The following PRELID2 variants were observed in gnomAD, a reference collection of about 807,000 sequenced individuals.
PRELID2 encodes the protein PRELI domain containing 2, also known as PRELI domain-containing protein 2.
PRELID2 carries 25 observed loss-of-function variants against 28.4 expected under a neutral mutation model. That is an observed-to-expected ratio of 0.88 (90% CI 0.64 to 1.23). PRELID2 has a LOEUF of 1.23. Ranked by LOEUF, PRELID2 falls within the 50% of genes most tolerant of loss-of-function variation. PRELID2 has a pLI of 0.00. For missense variants in PRELID2, 201 were observed against 214.4 expected, an observed-to-expected ratio of 0.94 and a Z score of 0.39; for synonymous variants, 76 against 71.6, an observed-to-expected ratio of 1.06 and a Z score of -0.31.
the PRELID2 span, among the ~76,000 whole-genome samples, chr5:145,375,849 G>A: frequency 6.6e-6 from 1 of 152,232 alleles, no homozygotes; most frequent in Non-Finnish European, 1.5e-5. Flanking sequence ...AGCACAGCCT[G>A]GAGCTATAGA....
chr5:145,509,953 C>T (rs1052038228), intron 1 of PRELID2, among the ~76,000 whole-genome samples: 1 of 152,108 alleles, frequency 6.6e-6, no homozygotes, highest in Admixed American at 6.6e-5. Context: ...TGCACCTGCT[C>T]TCGTTGTTAA....
At chr5:145,508,736 C>A (rs940747391) in intron 1 of PRELID2, among the ~76,000 whole-genome samples, 2 of 152,080 alleles carry the variant, frequency 1.3e-5, no homozygotes, top group Admixed American at 6.6e-5. Context: ...TTGTTTACAT[C>A]TCAAGAGTTC....
the PRELID2 span, among the ~76,000 whole-genome samples, chr5:145,406,122 C>T: frequency 6.6e-6 from 1 of 152,086 alleles, no homozygotes; most frequent in Non-Finnish European, 1.5e-5. Context: ...GATCTAATCA[C>T]CTCCCACCAG....
the PRELID2 span, among the ~76,000 whole-genome samples, chr5:145,365,519 T>C: frequency 6.6e-6 from 1 of 151,886 alleles, no homozygotes; most frequent in Non-Finnish European, 1.5e-5. Context: ...AAAAGAAATT[T>C]CTGAAGGGAA....
At chr5:145,501,943 C>T (rs532544870) in intron 1 of PRELID2, among the ~76,000 whole-genome samples, 5 of 152,288 alleles carry the variant, frequency 3.3e-5, no homozygotes, top group African/African-American at 9.6e-5. Flanking sequence ...GATTCTGCGT[C>T]TGTATTAATC....
intron 1 of PRELID2, among the ~76,000 whole-genome samples, chr5:145,629,464 A>G (rs1172463322): frequency 6.6e-6 from 1 of 152,222 alleles, no homozygotes; most frequent in Non-Finnish European, 1.5e-5. Context: ...TGAGAGGAGC[A>G]TGCCTGCCTG....
the PRELID2 span, among the ~76,000 whole-genome samples, chr5:145,438,865 C>A: frequency 4.6e-5 from 7 of 152,106 alleles, no homozygotes; most frequent in African/African-American, 1.4e-4. Context: ...AGACCCAGAG[C>A]TTTTATATTG....
intron 1 of PRELID2, among the ~76,000 whole-genome samples, chr5:145,658,360 T>C (rs748338692): frequency 2.4e-4 from 37 of 152,186 alleles, no homozygotes; most frequent in Non-Finnish European, 2.5e-4. Context: ...CTGCACTTAA[T>C]GGAGCATGCA....
chr5:145,293,249 T>C, the PRELID2 span, among the ~76,000 whole-genome samples: 1 of 152,170 alleles, frequency 6.6e-6, no homozygotes, highest in Non-Finnish European at 1.5e-5. Context: ...ACCCTCGTTA[T>C]ATAGACTTGG....
At chr5:145,253,107 A>C in the PRELID2 span, among the ~76,000 whole-genome samples, 5 of 152,110 alleles carry the variant, frequency 3.3e-5, no homozygotes, top group African/African-American at 1.2e-4. Context: ...GGAAAATATC[A>C]AGTTGGCAAC....
chr5:145,804,875 G>C (rs896743999), intron 4 of PRELID2, among the ~76,000 whole-genome samples: 6 of 152,140 alleles, frequency 3.9e-5, no homozygotes, highest in African/African-American at 1.4e-4. Flanking sequence ...AGCTTAGGTG[G>C]AGGCTTGTCT....
At chr5:145,801,096 C>T (rs1246727331) in intron 4 of PRELID2, among the ~76,000 whole-genome samples, 1 of 152,072 alleles carries the variant, frequency 6.6e-6, no homozygotes, top group African/African-American at 2.4e-5. Context: ...TTGCTTTGGT[C>T]TTCTTTTTAG....
the PRELID2 span, among the ~76,000 whole-genome samples, chr5:145,314,463 T>A: frequency 6.6e-6 from 1 of 152,200 alleles, no homozygotes; most frequent in Non-Finnish European, 1.5e-5. Context: ...ATTTATTCAC[T>A]TTAGAAATAC....
At chr5:145,247,167 A>G in the PRELID2 span, among the ~76,000 whole-genome samples, 30 of 152,282 alleles carry the variant, frequency 2.0e-4, no homozygotes, top group African/African-American at 7.2e-4. Flanking sequence ...ACCCAGGAAC[A>G]GAAGACAGCA....
chr5:145,589,766 T>A (rs1753203199), intron 1 of PRELID2, among the ~76,000 whole-genome samples: 1 of 152,202 alleles, frequency 6.6e-6, no homozygotes, highest in Non-Finnish European at 1.5e-5. Flanking sequence ...AATTCTTTCC[T>A]ACACTAAACT....
intron 1 of PRELID2, among the ~76,000 whole-genome samples, chr5:145,576,474 T>C (rs1753061524): frequency 6.6e-6 from 1 of 152,176 alleles, no homozygotes; most frequent in Admixed American, 6.6e-5. Context: ...CTGAATAATA[T>C]GTTATTGTAC....
chr5:145,553,200 A>T (rs1200706904), intron 1 of PRELID2, among the ~76,000 whole-genome samples: 2 of 141,686 alleles, frequency 1.4e-5, no homozygotes, highest in African/African-American at 2.5e-5. Flanking sequence ...CCCCAAAAAA[A>T]AAGGGAGCTG....
At chr5:145,489,791 C>T (rs1752250964) in intron 1 of PRELID2, among the ~76,000 whole-genome samples, 2 of 152,306 alleles carry the variant, frequency 1.3e-5, no homozygotes, top group Admixed American at 6.5e-5. Flanking sequence ...GGAGAATTAA[C>T]TGATCTCTTT....
chr5:145,230,773 G>A, the PRELID2 span, among the ~76,000 whole-genome samples: 1 of 152,176 alleles, frequency 6.6e-6, no homozygotes, highest in African/African-American at 2.4e-5. Flanking sequence ...TCAAGAGGCT[G>A]TGCTCAAGAT....
Sources: gnomAD v4.1 joint callset for allele counts (sites outside exome capture counted in the v4.1 genomes callset) on GRCh38, gnomAD v4.1.1 for gene constraint, MANE v1.5 for transcripts, NCBI Gene and HGNC (gene_info 2026-07-23, HGNC 2026-07-21) for gene names.